TFEC: variants seen among roughly 807,000 people sequenced by gnomAD.
TFEC encodes the protein transcription factor EC, also known as class E basic helix-loop-helix protein 34.
TFEC carries 31 observed loss-of-function variants against 41.6 expected under a neutral mutation model. The ratio of observed to expected loss-of-function variants is 0.74; its 90% confidence interval spans 0.56 to 1.01. TFEC has a LOEUF of 1.01. Ranked by LOEUF, TFEC falls within the 50% of genes least tolerant of loss-of-function variation. The pLI is 0.00. For missense variants in TFEC, 402 were observed against 404.1 expected, an observed-to-expected ratio of 0.99 and a Z score of 0.04; for synonymous variants, 143 against 140.6, an observed-to-expected ratio of 1.02 and a Z score of -0.12.
At chr7:116,098,758 T>C (rs915107831) in intron 3 of TFEC, among the ~76,000 whole-genome samples, 5 of 151,974 alleles carry the variant, frequency 3.3e-5, no homozygotes, top group African/African-American at 4.8e-5. Context: ...GAAAATATCA[T>C]TTAAATGAAT....
chr7:116,031,273 C>T (rs1795775271), upstream of TFEC, among the ~76,000 whole-genome samples: 1 of 151,964 alleles, frequency 6.6e-6, no homozygotes, highest in South Asian at 2.1e-4. Context: ...AAAGTGACCC[C>T]AGGATAATTT....
chr7:116,051,227 C>T (rs1274306887), intron 3 of TFEC, among the ~76,000 whole-genome samples: 3 of 152,180 alleles, frequency 2.0e-5, no homozygotes, highest in African/African-American at 7.2e-5. Flanking sequence ...AGCACACCAA[C>T]ATGGCACATG....
At chr7:116,037,766 T>C (rs1233708501) in intron 3 of TFEC, among the ~76,000 whole-genome samples, 1 of 151,998 alleles carries the variant, frequency 6.6e-6, no homozygotes, top group Non-Finnish European at 1.5e-5. Flanking sequence ...TTTTTACTAT[T>C]TCATTAGCAT....
chr7:116,113,121 T>A (rs966469097), intron 1 of TFEC, among the ~76,000 whole-genome samples: 4 of 151,960 alleles, frequency 2.6e-5, no homozygotes, highest in Non-Finnish European at 5.9e-5. Context: ...ACTTTAATGA[T>A]TTTTCCTTTT....
chr7:115,988,826 A>T (rs2130703132), intron 1 of TFEC, among the ~76,000 whole-genome samples: 1 of 152,212 alleles, frequency 6.6e-6, no homozygotes, highest in East Asian at 1.9e-4. Context: ...AGAAAATCAA[A>T]GATAAAGAAA....
intron 6 of TFEC, among the ~76,000 whole-genome samples, chr7:115,943,787 AT>A (rs1244116863): frequency 6.6e-6 from 1 of 151,454 alleles, no homozygotes; most frequent in Non-Finnish European, 1.5e-5. Context: ...CTGCACAACA[AT>A]TTTTTAAGAT....
chr7:116,092,394 C>G lies in TFEC; in HGVS notation c.198+18314G>C, dbSNP rs1302846300. Among the ~76,000 whole-genome samples, 3 of 152,134 alleles carry G rather than the reference C, an allele frequency of 2.0e-5. No homozygotes were observed. In the South Asian group the frequency reaches 6.2e-4, roughly 31 times the overall value. The stretch of plus-strand genomic sequence containing the variant: ...TGTAACACTGCTTTGGAACAGCAGA[C>G]TTAAATAGACAAAAATCTTTGCAAA... On this transcript the variant is annotated intron_variant, in intron 3 of 8. Transcript: ENST00000484212.
chr7:115,975,889 C>T (rs1459599253), intron 2 of TFEC, among the ~76,000 whole-genome samples: 2 of 152,020 alleles, frequency 1.3e-5, no homozygotes, highest in African/African-American at 2.4e-5. Context: ...GCAGAGTGCG[C>T]AAAGGCAAGA....
intron 1 of TFEC, among the ~76,000 whole-genome samples, chr7:116,150,843 C>T (rs1477958793): frequency 6.6e-6 from 1 of 152,234 alleles, no homozygotes; most frequent in East Asian, 1.9e-4. Context: ...CTCAAACCCA[C>T]ATCATATTTG....
intron 3 of TFEC, among the ~76,000 whole-genome samples, chr7:115,961,650 T>A (rs989374251): frequency 3.3e-5 from 5 of 151,652 alleles, no homozygotes; most frequent in Non-Finnish European, 7.4e-5. Flanking sequence ...GACATGCTTC[T>A]GGCAAAACTG....
intron 1 of TFEC, among the ~76,000 whole-genome samples, chr7:116,147,998 A>G (rs944962514): frequency 6.6e-6 from 1 of 152,322 alleles, no homozygotes; most frequent in African/African-American, 2.4e-5. Flanking sequence ...GGACCCAGAT[A>G]AGGGAAGTAA....
At chr7:115,950,708 C>T (rs1791889563) in intron 6 of TFEC, among the ~76,000 whole-genome samples, 166 bp downstream of exon 6, 1 of 152,092 alleles carries the variant, frequency 6.6e-6, no homozygotes. Context: ...TGCTCAATAA[C>T]AATCAGACTG....
At chr7:115,956,247 GA>G (rs959502590) in intron 4 of TFEC, among the ~76,000 whole-genome samples, 51 of 149,546 alleles carry the variant, frequency 3.4e-4, no homozygotes, top group Admixed American at 2.7e-4. Context: ...AAGCTAAAAA[GA>G]AAAAAAAATC....
At chr7:116,055,339 C>A (rs200715828) in intron 3 of TFEC, among the ~76,000 whole-genome samples, 3 of 152,030 alleles carry the variant, frequency 2.0e-5, no homozygotes, top group Non-Finnish European at 4.4e-5. Flanking sequence ...AATATGGCTT[C>A]TTTCCTTTTC....
intron 6 of TFEC, among the ~76,000 whole-genome samples, chr7:115,949,984 C>T (rs1325912628): frequency 6.7e-6 from 1 of 150,254 alleles, no homozygotes; most frequent in Non-Finnish European, 1.5e-5. Context: ...ATTTTCAAAT[C>T]ATTATTAATG....
At chr7:116,129,835 T>C (rs1311681133) in intron 1 of TFEC, among the ~76,000 whole-genome samples, 2 of 152,032 alleles carry the variant, frequency 1.3e-5, no homozygotes, top group African/African-American at 4.8e-5. Flanking sequence ...CTTAGCCAAA[T>C]TGTGGAGAAG....
At chr7:116,048,679 T>C (rs1307671134) in intron 3 of TFEC, among the ~76,000 whole-genome samples, 1 of 152,024 alleles carries the variant, frequency 6.6e-6, no homozygotes, top group Non-Finnish European at 1.5e-5. Context: ...CACATAATTG[T>C]CAGATTCATC....
intron 3 of TFEC, among the ~76,000 whole-genome samples, chr7:116,109,049 T>G (rs1797786685): frequency 6.6e-6 from 1 of 152,002 alleles, no homozygotes; most frequent in Non-Finnish European, 1.5e-5. Context: ...GATCCCTTCC[T>G]TACACCTTAT....
chr7:115,956,757 G>C lies in TFEC; in HGVS notation c.304C>G (p.Gln102Glu), dbSNP rs750355925. ...CCCATGTTAATTGGTGAAATTCCTTGTTCACCGCTATACACATCCAAAATA... is the reference window on the plus strand; with the variant it reads ...CCCATGTTAATTGGTGAAATTCCTTCTTCACCGCTATACACATCCAAAATA... ...GSILDVYSGE[Q>E]GISPINMGLT... is the part of the protein sequence containing the mutation. The change falls in exon 4 of 8, where the codon CAA (glutamine) becomes GAA (glutamate). Residue 102 changes from glutamine to glutamate, a missense_variant. Transcript: ENST00000265440. 18 of 1,609,946 alleles carry C rather than the reference G, an allele frequency of 1.1e-5. No homozygotes were observed. The highest frequency in any genetic ancestry group is 1.7e-6 in the Non-Finnish European group (2 of 1,177,770).
Sources: allele counts gnomAD v4.1 joint callset (sites outside exome capture counted in the v4.1 genomes callset), GRCh38; gene constraint gnomAD v4.1.1; transcripts MANE v1.5; gene names NCBI Gene and HGNC (gene_info 2026-07-23, HGNC 2026-07-21).